The following CHTF18 variants were observed in gnomAD, a reference collection of about 807,000 sequenced individuals.
CHTF18 encodes the protein chromosome transmission fidelity protein 18 homolog.
A neutral mutation model predicts 113.4 loss-of-function variants in CHTF18; 151 were observed. The ratio of observed to expected loss-of-function variants is 1.33; its 90% CI spans 1.17 to 1.52. The LOEUF (loss-of-function observed/expected upper bound fraction) is 1.52, where lower values mean the gene tolerates loss of function less well. Ranked by LOEUF, CHTF18 falls within the 40% of genes most tolerant of loss-of-function variation. The pLI is 0.00. For missense variants in CHTF18, 1,982 were observed against 1,381.6 expected (o/e 1.43, Z -6.89); for synonymous variants, 916 against 598.8 (o/e 1.53, Z -7.74).
In CHTF18 at chr16:789,677, C is replaced by T. The variant is rs1469035082; in HGVS notation, c.568C>T (p.Leu190=). The T allele has an allele frequency of 1.2e-6, 2 of 1,601,426 alleles. No individual in the cohort carries two copies. The highest frequency in any genetic ancestry group is 1.7e-6 in the Non-Finnish European group (2 of 1,179,252). Residue 190 remains leucine (L), a synonymous_variant, in exon 4 of 22, where the codon CTG becomes TTG. Transcript: ENST00000262315. The part of the protein sequence containing the change: ...VTSTEGVRAY[L]VLRADPMAPG... ...ATCCACGGAGGGCGTCCGGGCTTAT[C>T]TGGTGCTGCGTGCTGACCCCATGGC...
rs1340018639 is a variant in CHTF18 at position 790,613 on chromosome 16, C to T, written c.841C>T (p.Leu281Phe). The change falls in exon 7 of 22, where the codon CTC becomes TTC. Residue 281 changes from leucine (L) to phenylalanine (F), a missense_variant. By Grantham distance (22) the Leu-to-Phe change is conservative. Transcript: ENST00000262315. ...TDGQDASSHC[L>F]WVDEFAPRHY... Reference sequence around the variant, plus strand: ...CGGTCAAGACGCCTCCAGTCACTGCCTCTGGGTGGATGAGTTTGCACCCCG... The same window carrying T: ...CGGTCAAGACGCCTCCAGTCACTGCTTCTGGGTGGATGAGTTTGCACCCCG... 3.1e-6 allele frequency: 5 copies of T among 1,594,750 alleles called. No individual in the cohort carries two copies. The highest frequency in any genetic ancestry group is 2.3e-5 in the South Asian group (2 of 87,872).
rs1163316144 is a variant in CHTF18 at position 795,176 on chromosome 16, C to T, written c.1995C>T (p.Ser665=). The change falls in exon 16 of 22, where the codon AGC becomes AGT. Residue 665 remains serine, a synonymous_variant. Coordinates refer to ENST00000262315, the MANE Select transcript of CHTF18 (RefSeq NM_022092.3). Reference sequence around the variant, plus strand: ...TGCGTCTGCGGCTGCGAGACTCCAGCCTGGGTGCTGTGTGTGTGGCCCTCG... The same window carrying T: ...TGCGTCTGCGGCTGCGAGACTCCAGTCTGGGTGCTGTGTGTGTGGCCCTCG... ...NFLRLRLRDS[S]LGAVCVALDW... 1.9e-6 allele frequency: 3 copies of T among 1,557,768 alleles called. No homozygotes were observed. Among genetic ancestry groups the T allele is most frequent in the Middle Eastern group, 1.9e-4 (1 of 5,338 alleles).
intron 4 of CHTF18, 187 bp downstream of exon 4, chr16:789,902 C>G: frequency 2.8e-6 from 4 of 1,416,998 alleles, no homozygotes; most frequent in Non-Finnish European, 3.8e-6. Context: ...AGGTTGCTGT[C>G]CAGCCTGTTT....
intron 20 of CHTF18, 38 bp downstream of exon 20, chr16:797,130 CA>C: frequency 6.7e-7 from 1 of 1,483,196 alleles, no homozygotes; most frequent in Non-Finnish European, 8.9e-7. Flanking sequence ...GACCAGGGTA[CA>C]TACCTTTGGG....
In CHTF18 at chr16:789,008, G is replaced by A. The variant is rs995835904; in HGVS notation, c.169G>A (p.Ala57Thr). Residue 57 changes from alanine to threonine, a missense_variant, in exon 2 of 22, where the codon GCC (alanine) becomes ACC (threonine). Coordinates refer to ENST00000262315, the MANE Select transcript of CHTF18 (RefSeq NM_022092.3). ...CCCGCGGACGTTCGAGGAGGCCCTT[G>A]CCAGAGGGGACGCGGCCTCCAGTCC... ...RPPRTFEEAL[A>T]RGDAASSPAP... is the part of the protein sequence containing the mutation. 1.9e-6 allele frequency: 3 copies of A among 1,553,334 alleles called. No individual in the cohort carries two copies. The highest frequency in any genetic ancestry group is 1.7e-6 in the Non-Finnish European group (2 of 1,153,842).
chr16:792,645 G>A (rs2042231340), intron 11 of CHTF18, 55 bp downstream of exon 11: 23 of 1,589,412 alleles, frequency 1.4e-5, no homozygotes, highest in East Asian at 2.2e-5. Flanking sequence ...CTGGAGGGAG[G>A]GTTCCGGCCC....
In CHTF18 at chr16:796,038, A is replaced by G. The variant is rs764034569; in HGVS notation, c.2417A>G (p.Glu806Gly). The change falls in exon 18 of 22, where the codon GAG becomes GGG. Residue 806 changes from glutamate (E) to glycine (G), a missense_variant. By Grantham distance (98) the Glu-to-Gly change is moderately conservative. Coordinates refer to ENST00000262315, the MANE Select transcript of CHTF18 (RefSeq NM_022092.3). ...MLAYSLTYRQ[E>G]RTPDGQYIYR... ...GCTTACAGCCTGACCTACCGCCAGG[A>G]GCGCACGCCCGATGGCCAGTACATC... The G allele has an allele frequency of 3.5e-5, 56 of 1,605,590 alleles. No individual in the cohort carries two copies. In the East Asian group the frequency reaches 1.2e-3, roughly 34 times the overall value.
At chr16:791,424 G>A (rs1374602557) in intron 8 of CHTF18, 54 bp downstream of exon 8, 77 of 1,522,064 alleles carry the variant, frequency 5.1e-5, no homozygotes, top group Non-Finnish European at 5.2e-5. Flanking sequence ...TGCACTCGGC[G>A]CCGGCACCCT....
At chr16:793,871 T>G (rs1417971027) in intron 14 of CHTF18, 183 bp from the exon 15 acceptor site, 17 of 673,718 alleles carry the variant, frequency 2.5e-5, no homozygotes, top group Non-Finnish European at 4.3e-5. Flanking sequence ...AAGGGAATGT[T>G]TCAGGGGGTT....
In CHTF18 at chr16:792,480, G is replaced by A; in HGVS notation, c.1368G>A (p.Gly456=). The change falls in exon 11 of 22, where the codon GGG becomes GGA. Residue 456 remains glycine (G), a synonymous_variant. Transcript: ENST00000262315. ...NVLLSILNRK[G]PQEVGPQGPA... Reference sequence around the variant, plus strand: ...TCCTGAGCATCCTGAACCGCAAGGGGCCACAGGAGGTGGGGCCACAGGGCC... The same window carrying A: ...TCCTGAGCATCCTGAACCGCAAGGGACCACAGGAGGTGGGGCCACAGGGCC... The A allele has an allele frequency of 6.3e-7, 1 of 1,586,806 alleles. No individual in the cohort carries two copies.
rs969733686 is a variant in CHTF18, at chr16:789,017, G to A, written c.178G>A (p.Asp60Asn). The A allele has an allele frequency of 1.3e-6, 2 of 1,541,808 alleles. No individual in the cohort carries two copies. Among genetic ancestry groups the A allele is most frequent in the Non-Finnish European group, 1.7e-6 (2 of 1,146,582 alleles). The change falls in exon 2 of 22, where the codon GAC becomes AAC. Residue 60 changes from aspartate (D) to asparagine (N), a missense_variant. Transcript: ENST00000262315. ...GTTCGAGGAGGCCCTTGCCAGAGGG[G>A]ACGCGGCCTCCAGTCCCGCCCCAGC... Reference protein sequence around the residue: ...RTFEEALARGDAASSPAPAAS... With the variant: ...RTFEEALARGNAASSPAPAAS...
In CHTF18 at chr16:794,195, G is replaced by T; in HGVS notation, c.1944G>T (p.Val648=). ...CCTCTGCGGGCGAGCACGAGAAGGT[G>T]GTCCAGGTACCTGTCTTCCACCAAA... ...AAASAGEHEK[V]VQGLFDNFLR... The change falls in exon 15 of 22, where the codon GTG becomes GTT. Residue 648 remains valine (V), a synonymous_variant. Coordinates refer to ENST00000262315, the MANE Select transcript of CHTF18 (RefSeq NM_022092.3). 6.2e-7 allele frequency: 1 copy of T among 1,611,076 alleles called. No individual in the cohort carries two copies. The highest frequency in any genetic ancestry group is 1.1e-5 in the South Asian group (1 of 91,028).
At position 788,705 on chromosome 16, in the gene CHTF18, G is replaced by C. The variant is rs200978022; in HGVS notation, c.21G>C (p.Glu7Asp). 1 of 1,599,588 alleles carries C rather than the reference G, an allele frequency of 6.3e-7. No homozygotes were observed. MEDYEQ[E>D]LCGVEDDFHN... ...ACGGTATGGAGGACTACGAGCAGGA[G>C]CTGTGCGGCGTCGAGGATGATTTCC... is the stretch of plus-strand genomic sequence containing the variant. Residue 7 changes from glutamate (E) to aspartate (D), a missense_variant, in exon 1 of 22, where the codon GAG (glutamate) becomes GAC (aspartate). Glu to Asp is a conservative substitution (Grantham distance 45). Coordinates refer to ENST00000262315, the MANE Select transcript of CHTF18 (RefSeq NM_022092.3).
chr16:789,986 G>A (rs1263224108), intron 4 of CHTF18, 191 bp from the exon 5 acceptor site: 27 of 1,535,162 alleles, frequency 1.8e-5, no homozygotes, highest in Non-Finnish European at 2.3e-5. Context: ...TCCTAAAGCT[G>A]CCCCCAATTT....
chr16:792,707 C>A lies in CHTF18; in HGVS notation c.1479-11C>A. ...AACCCTGGGGTCCCTGGCCCTGCCG[C>A]CTCTCCTCAGGTTCGCACCGTCCCT... is the stretch of plus-strand genomic sequence containing the variant. On this transcript the variant is annotated splice_polypyrimidine_tract_variant and intron_variant, in intron 11 of 21. Transcript: ENST00000262315. The A allele has an allele frequency of 6.4e-7, 1 of 1,568,658 alleles. No homozygotes were observed. The highest frequency in any genetic ancestry group is 1.3e-5 in the African/African-American group (1 of 74,220).
chr16:796,519 C>G, intron 18 of CHTF18, 198 bp from the exon 19 acceptor site: 1 of 625,572 alleles, frequency 1.6e-6, no homozygotes, highest in South Asian at 2.1e-5. Flanking sequence ...CCCACGTACA[C>G]TTGCAGTTGG....
rs564737262 is a variant in CHTF18 at position 794,696 on chromosome 16, G to A, written c.1951-436G>A. 9.6e-4 allele frequency: 227 copies of A among 235,254 alleles called. 1 individual carries two copies. The highest frequency in any genetic ancestry group is 5.0e-3 in the African/African-American group (220 of 44,408). The allele number at this position is 235,254 out of a possible 1,614,324, so 14.6% of individuals were successfully genotyped here. A position where few individuals can be genotyped will look rare whatever the true frequency, so the allele number is the denominator to read the frequency against. ...AAATCCCAAAAGCCGCGATGTGGAG[G>A]GGCAGCGTGGAGCAGCGGCGGGGAT... On this transcript the variant is annotated intron_variant, in intron 15 of 21. Transcript: ENST00000262315.
chr16:793,299 C>T (rs746889513), intron 14 of CHTF18, 25 bp downstream of exon 14: 1 of 1,603,518 alleles, frequency 6.2e-7, no homozygotes, highest in South Asian at 1.1e-5. Flanking sequence ...CAGCCTCGGC[C>T]CAGATGCTCA....
At chr16:795,026 C>T (rs1016987566) in intron 15 of CHTF18, 106 bp from the exon 16 acceptor site, 1 of 908,726 alleles carries the variant, frequency 1.1e-6, no homozygotes, top group Non-Finnish European at 1.7e-6. Flanking sequence ...CCTCGTGGGG[C>T]AGGCGGCAGG....
Sources: allele counts gnomAD v4.1 joint callset, GRCh38; gene constraint gnomAD v4.1.1; transcripts MANE v1.5; gene names NCBI Gene and HGNC (gene_info 2026-07-23, HGNC 2026-07-21).